Variants in OCRL observed in about 807,000 individuals in gnomAD.
OCRL encodes the protein OCRL inositol polyphosphate-5-phosphatase.
OCRL carries 8 observed loss-of-function variants against 78.9 expected under a neutral mutation model. The observed-to-expected ratio is 0.10, with a 90% CI of 0.06 to 0.18. The LOEUF is 0.18. Among genes scored for constraint, OCRL ranks in the 10% least tolerant of loss-of-function variants. The probability of loss-of-function intolerance (pLI) is 1.00; values close to 1 mark genes in which losing one functional copy is unlikely to be tolerated. For synonymous variants in OCRL, 240 were observed against 235.4 expected (o/e 1.02, Z -0.18); for missense variants, 454 against 696.7 (o/e 0.65, Z 3.92).
rs1189841075 is a variant in OCRL, at chrX:129,569,251, T to C, written c.1467-13T>C. On this transcript the variant is annotated splice_polypyrimidine_tract_variant and intron_variant, in intron 14 of 23. Transcript: ENST00000371113. ...TGATATGTTCTCTTTATAACTCGTT[T>C]CTTTACTTACAGTGGGAAATGCCGG... 3.3e-6 allele frequency: 4 copies of C among 1,210,830 alleles called. No individual in the cohort carries two copies. In the South Asian group the frequency reaches 7.0e-5, roughly 21 times the overall value.
At chrX:129,581,837 C>G in intron 18 of OCRL, among the ~76,000 whole-genome samples, 1 of 93,745 alleles carries the variant, frequency 1.1e-5, no homozygotes. Context: ...GTCTTTCTCT[C>G]TCTCTCTCTC....
intron 5 of OCRL, 76 bp from the exon 6 acceptor site, chrX:129,557,785 G>A: frequency 1.4e-6 from 1 of 726,503 alleles, no homozygotes; most frequent in African/African-American, 2.1e-5. Flanking sequence ...AATGTTGAAA[G>A]AATGGCTTTT....
chrX:129,575,824 C>A, intron 16 of OCRL, 73 bp from the exon 17 acceptor site: 1 of 1,123,955 alleles, frequency 8.9e-7, no homozygotes, highest in South Asian at 1.8e-5. Context: ...TCCTCATATC[C>A]TCTATGGAAT....
At chrX:129,553,061 A>C (rs933530590) in intron 4 of OCRL, among the ~76,000 whole-genome samples, 1 of 112,372 alleles carries the variant, frequency 8.9e-6, no homozygotes, top group Non-Finnish European at 1.9e-5. Context: ...AATGAGAAAA[A>C]AGATTTATGT....
chrX:129,556,967 G>A (rs1487871225), intron 4 of OCRL, among the ~76,000 whole-genome samples: 1 of 112,187 alleles, frequency 8.9e-6, no homozygotes, highest in Non-Finnish European at 1.9e-5. Flanking sequence ...GGGAGGGAGG[G>A]TGATTGAGGA....
At chrX:129,579,346 G>A (rs1281235140) in intron 18 of OCRL, among the ~76,000 whole-genome samples, 3 of 111,125 alleles carry the variant, frequency 2.7e-5, no homozygotes, top group Non-Finnish European at 5.7e-5. Flanking sequence ...TTTTCCCCAA[G>A]ACCCAATATC....
intron 2 of OCRL, 88 bp downstream of exon 2, chrX:129,540,911 A>C: frequency 4.0e-6 from 3 of 749,299 alleles, no homozygotes; most frequent in Non-Finnish European, 6.3e-6. Context: ...CTGTCCTCCT[A>C]CTGAAGCCAC....
chrX:129,591,423 A>G lies in OCRL; in HGVS notation c.*1153A>G, dbSNP rs945260749. ...AGAGACTGGCCAACAGGACCAACCA[A>G]GCACCTTACCTCTCCCATACAAGAT... On this transcript the variant is annotated 3_prime_UTR_variant, in exon 24 of 24. Coordinates refer to ENST00000371113, the MANE Select transcript of OCRL (RefSeq NM_000276.4). The G allele has an allele frequency of 2.7e-5, 3 of 111,933 alleles. No homozygotes were observed. The highest frequency in any genetic ancestry group is 5.6e-5 in the Non-Finnish European group (3 of 53,163). 9.2% of individuals were successfully genotyped at this position (111,933 alleles called of 1,213,427 possible).
chrX:129,540,655 G>T, intron 1 of OCRL, 89 bp from the exon 2 acceptor site: 2 of 566,716 alleles, frequency 3.5e-6, no homozygotes, highest in Admixed American at 3.7e-5. Context: ...GGGCGGCGGT[G>T]GGGGGGGGGT....
chrX:129,590,460 T>C lies in OCRL; in HGVS notation c.*190T>C, dbSNP rs140474314. 666 of 520,414 alleles carry C rather than the reference T, an allele frequency of 1.3e-3. 4 individuals are homozygous for C. The African/African-American group carries it at 0.013, about 10-fold the overall frequency. The allele number at this position is 520,414 out of a possible 1,213,427, so 42.9% of individuals were successfully genotyped here. ...ACACAGAAAAATACTTTTAGACTTA[T>C]ATTGCCAAGCCAAAGTTACCATATT... On this transcript the variant is annotated 3_prime_UTR_variant, in exon 24 of 24. Transcript: ENST00000371113.
chrX:129,584,233 T>C, intron 18 of OCRL, 111 bp from the exon 19 acceptor site: 1 of 628,837 alleles, frequency 1.6e-6, no homozygotes, highest in South Asian at 2.4e-5. Flanking sequence ...GTTTAAAGCA[T>C]GTATATCTGG....
rs1335633322 is a variant in OCRL at position 129,555,422 on chromosome X, C to T, written c.239-1903C>T. On this transcript the variant is annotated intron_variant, in intron 4 of 23. Coordinates refer to ENST00000371113, the MANE Select transcript of OCRL (RefSeq NM_000276.4). ...CCCAGGGGACGAGGTTGCAGTGAGC[C>T]GAGATCACGCCACTGTGTTCCAGCC... 6.3e-5 allele frequency among the ~76,000 whole-genome samples: 7 copies of T among 111,380 alleles called. No homozygotes were observed. In the East Asian group the frequency reaches 1.4e-3, roughly 22 times the overall value.
At chrX:129,564,736 G>C (rs993972768) in intron 12 of OCRL, among the ~76,000 whole-genome samples, 1 of 109,838 alleles carries the variant, frequency 9.1e-6, no homozygotes, top group Non-Finnish European at 1.9e-5. Context: ...TGGGGGGAGC[G>C]GGGAGGGATA....
chrX:129,540,664 GT>G, intron 1 of OCRL, 79 bp from the exon 2 acceptor site: 2 of 852,621 alleles, frequency 2.3e-6, no homozygotes, highest in South Asian at 2.1e-5. Flanking sequence ...TGGGGGGGGG[GT>G]GGAAGACCCC....
chrX:129,587,197 T>C (rs1218542901), intron 20 of OCRL, 79 bp downstream of exon 20: 5 of 652,554 alleles, frequency 7.7e-6, no homozygotes, highest in Non-Finnish European at 1.3e-5. Context: ...CACGTCAGCA[T>C]AGCGCTTTTA....
chrX:129,573,758 C>T (rs1159636811), intron 15 of OCRL, among the ~76,000 whole-genome samples: 1 of 110,852 alleles, frequency 9.0e-6, no homozygotes, highest in Non-Finnish European at 1.9e-5. Flanking sequence ...CAGAGTTTCA[C>T]CGTGTTGGCT....
At chrX:129,564,866 TAATAA>T (rs1033658550) in intron 12 of OCRL, among the ~76,000 whole-genome samples, 7 of 110,928 alleles carry the variant, frequency 6.3e-5, no homozygotes, top group African/African-American at 1.3e-4. Flanking sequence ...AAACTTATAA[TAATAA>T]AATAAAATTT....
At chrX:129,578,136 C>T (rs938035062) in intron 18 of OCRL, among the ~76,000 whole-genome samples, 1 of 111,651 alleles carries the variant, frequency 9.0e-6, no homozygotes, top group African/African-American at 3.3e-5. Context: ...CAGCCTGCAT[C>T]TCTTAACAAA....
chrX:129,544,120 A>G (rs908173438), intron 2 of OCRL, among the ~76,000 whole-genome samples: 1 of 111,114 alleles, frequency 9.0e-6, no homozygotes, highest in Non-Finnish European at 1.9e-5. Context: ...AAAACTAAAA[A>G]CAATACTTGA....
Sources: allele counts gnomAD v4.1 joint callset (sites outside exome capture counted in the v4.1 genomes callset), GRCh38; gene constraint gnomAD v4.1.1; transcripts MANE v1.5; gene names NCBI Gene and HGNC (gene_info 2026-07-23, HGNC 2026-07-21).